COP1: variants seen among roughly 807,000 people sequenced by gnomAD.
The protein encoded by COP1 is COP1 E3 ubiquitin ligase, also known as E3 ubiquitin-protein ligase COP1.
Under a neutral mutation model 101.3 loss-of-function variants are expected in COP1, and 24 were observed. The observed-to-expected ratio is 0.24, with a 90% CI of 0.17 to 0.33. COP1 has a LOEUF of 0.33. Among genes scored for constraint, COP1 ranks in the 10% least tolerant of loss-of-function variants. The pLI is 1.00. For missense variants in COP1, 663 were observed against 906.2 expected, an observed-to-expected ratio of 0.73 and a Z score of 3.45; for synonymous variants, 347 against 341.9, an observed-to-expected ratio of 1.01 and a Z score of -0.17.
intron 18 of COP1, 130 bp from the exon 19 acceptor site, chr1:175,947,369 A>AT (rs1338424459): frequency 2.5e-5 from 16 of 643,414 alleles, no homozygotes; most frequent in Non-Finnish European, 3.0e-5. Flanking sequence ...ATGAAGATAC[A>AT]ATTTTTTTTT....
intron 10 of COP1, among the ~76,000 whole-genome samples, chr1:176,083,213 T>C (rs947974794): frequency 2.6e-5 from 4 of 152,238 alleles, no homozygotes; most frequent in African/African-American, 7.2e-5. Flanking sequence ...GGAAAGATGG[T>C]TGGTTTTATT....
intron 2 of COP1, among the ~76,000 whole-genome samples, chr1:176,178,556 T>C (rs893279855): frequency 6.6e-6 from 1 of 152,006 alleles, no homozygotes; most frequent in African/African-American, 2.4e-5. Flanking sequence ...GAAAGGTTAT[T>C]AAAGATAAGA....
intron 1 of COP1, among the ~76,000 whole-genome samples, chr1:176,192,903 T>G (rs1350509958): frequency 2.0e-5 from 3 of 152,324 alleles, no homozygotes; most frequent in Middle Eastern, 3.4e-3. Context: ...GTTTCAGTAG[T>G]TAAGTTTTAT....
chr1:176,173,341 A>AAAC (rs1553306372), intron 3 of COP1, among the ~76,000 whole-genome samples: 1 of 151,136 alleles, frequency 6.6e-6, no homozygotes, highest in East Asian at 1.9e-4. Context: ...AAAAAAAAAA[A>AAAC]AAACCAGTAA....
intron 11 of COP1, among the ~76,000 whole-genome samples, chr1:176,077,020 C>G (rs1209843281): frequency 6.6e-6 from 1 of 152,068 alleles, no homozygotes; most frequent in African/African-American, 2.4e-5. Context: ...GAGCCCTGGA[C>G]CAGATGATTC....
intron 14 of COP1, among the ~76,000 whole-genome samples, chr1:176,039,580 GA>G (rs58546888): frequency 0.81 from 121,446 of 149,360 alleles, 49,855 homozygotes; most frequent in East Asian, 0.98. Flanking sequence ...ATGTTTTACA[GA>G]AAAAAAAAAA....
intron 18 of COP1, among the ~76,000 whole-genome samples, chr1:175,972,494 C>G (rs1284053825): frequency 7.1e-6 from 1 of 139,924 alleles, no homozygotes; most frequent in Non-Finnish European, 1.5e-5. Context: ...GAGACAGAGT[C>G]TGGCTGTGTT....
chr1:176,162,223 C>G (rs1046852604), intron 5 of COP1, among the ~76,000 whole-genome samples: 1 of 152,194 alleles, frequency 6.6e-6, no homozygotes, highest in Non-Finnish European at 1.5e-5. Flanking sequence ...GTGTTACTCA[C>G]TCACTTACTG....
Position 176,101,177 on chromosome 1 carries a change from C to T in COP1, c.1027-15287G>A, listed in dbSNP as rs184245864. 2.0e-3 allele frequency among the ~76,000 whole-genome samples: 305 copies of T among 152,264 alleles called. 2 individuals carry two copies. The highest frequency in any genetic ancestry group is 7.0e-3 in the African/African-American group (290 of 41,548). ...CCCCCACCATCAACATCAGTGAAAG[C>T]TGCTTTGACACCCATGGGTGGCACC... On this transcript the variant is annotated intron_variant, in intron 9 of 19. Transcript: ENST00000367669.
chr1:176,120,196 G>A (rs11576722), intron 8 of COP1, among the ~76,000 whole-genome samples: 22,654 of 151,850 alleles, frequency 0.15, 2,238 homozygotes, highest in East Asian at 0.36. Flanking sequence ...TGTGGCAGGC[G>A]GATCACCTGA....
intron 9 of COP1, among the ~76,000 whole-genome samples, chr1:176,088,271 G>C (rs1318594044): frequency 1.3e-5 from 2 of 151,660 alleles, no homozygotes; most frequent in African/African-American, 4.8e-5. Context: ...AAAAGAATGA[G>C]CTGCTGATAC....
chr1:176,148,429 A>T (rs1027113927), intron 6 of COP1, among the ~76,000 whole-genome samples: 1 of 152,010 alleles, frequency 6.6e-6, no homozygotes, highest in Non-Finnish European at 1.5e-5. Flanking sequence ...TTATTTTAGC[A>T]TGCTATCCAG....
rs1657259141 is a variant in COP1 at position 175,986,913 on chromosome 1, CAAGGTGAAAA to C, written c.2133+20_2133+29del. ...ATACATAATGCATAATATGAGATCCCAAGGTGAAAAAACTGATATGAAAACTTACCCCATC... is the reference window on the plus strand; with the variant it reads ...ATACATAATGCATAATATGAGATCCCAACTGATATGAAAACTTACCCCATC... On this transcript the variant is annotated intron_variant, in intron 18 of 19. Coordinates refer to ENST00000367669, the MANE Select transcript of COP1 (RefSeq NM_022457.7). 10 of 1,516,636 alleles carry C rather than the reference CAAGGTGAAAA, an allele frequency of 6.6e-6. No homozygotes were observed. Among genetic ancestry groups the C allele is most frequent in the Non-Finnish European group, 8.9e-6 (10 of 1,127,742 alleles). The allele number at this position is 1,516,636 out of a possible 1,614,324, so 93.9% of individuals were successfully genotyped here.
chr1:176,051,073 A>C (rs1298831781), intron 11 of COP1, among the ~76,000 whole-genome samples: 2 of 152,226 alleles, frequency 1.3e-5, no homozygotes, highest in African/African-American at 4.8e-5. Flanking sequence ...AAAAAGAATA[A>C]GGTAGCCTCA....
At chr1:176,006,844 G>A (rs901951753) in intron 15 of COP1, among the ~76,000 whole-genome samples, 2 of 151,690 alleles carry the variant, frequency 1.3e-5, no homozygotes, top group African/African-American at 2.4e-5. Context: ...TGCTCTTCTC[G>A]AGGAGTATCT....
In COP1 at chr1:176,168,390, A is replaced by G. The variant is rs1695477962; in HGVS notation, c.566-4499T>C. 2.0e-5 allele frequency among the ~76,000 whole-genome samples: 3 copies of G among 150,668 alleles called. No homozygotes were observed. The South Asian group carries it at 6.4e-4, about 32-fold the overall frequency. ...TTATATATAGAGAGAAAGGTAGAGAAAAAGACAGCTGGGTGGGTGGGGGGA... is the reference window on the plus strand; with the variant it reads ...TTATATATAGAGAGAAAGGTAGAGAGAAAGACAGCTGGGTGGGTGGGGGGA... On this transcript the variant is annotated intron_variant, in intron 3 of 19. Transcript: ENST00000367669.
chr1:175,978,130 T>TA (rs36122494), intron 18 of COP1, among the ~76,000 whole-genome samples: 1 of 152,058 alleles, frequency 6.6e-6, no homozygotes, highest in Non-Finnish European at 1.5e-5. Flanking sequence ...TTTCTTCCCT[T>TA]AAAAAAGGCA....
intron 6 of COP1, among the ~76,000 whole-genome samples, chr1:176,146,626 C>T (rs907731820): frequency 6.6e-6 from 1 of 152,198 alleles, no homozygotes; most frequent in African/African-American, 2.4e-5. Flanking sequence ...TGGAAAGTTC[C>T]TATCCCAGTC....
intron 1 of COP1, among the ~76,000 whole-genome samples, chr1:176,202,260 G>C (rs1700341555): frequency 6.8e-6 from 1 of 146,092 alleles, no homozygotes; most frequent in Non-Finnish European, 1.5e-5. Context: ...TGTGATCATA[G>C]CTCCCTGCAG....
Sources: gnomAD v4.1 joint callset for allele counts (sites outside exome capture counted in the v4.1 genomes callset) on GRCh38, gnomAD v4.1.1 for gene constraint, MANE v1.5 for transcripts, NCBI Gene and HGNC (gene_info 2026-07-23, HGNC 2026-07-21) for gene names.